CLIP1: variants seen among roughly 807,000 people sequenced by gnomAD.
The protein encoded by CLIP1 is CAP-Gly domain-containing linker protein 1.
CLIP1 carries 66 observed loss-of-function variants against 161.6 expected under a neutral mutation model. The ratio of observed to expected loss-of-function variants is 0.41; its 90% CI spans 0.33 to 0.50. The LOEUF is 0.50. Ranked by LOEUF, CLIP1 falls within the 20% of genes least tolerant of loss-of-function variation. The pLI is 0.27. For synonymous variants in CLIP1, 598 were observed against 626.2 expected (o/e 0.96, Z 0.67); for missense variants, 1,376 against 1,702.0 (o/e 0.81, Z 3.37).
In CLIP1 at chr12:122,355,081, C is replaced by T. The variant is rs372855839; in HGVS notation, c.1203+34G>A. Reference sequence around the variant, plus strand: ...TCGGCTCCTCAGTGGCTTTAGAAACCATCACCATCTCCGCAACAAGGTCCA... The same window carrying T: ...TCGGCTCCTCAGTGGCTTTAGAAACTATCACCATCTCCGCAACAAGGTCCA... On this transcript the variant is annotated intron_variant, in intron 6 of 25. Coordinates refer to ENST00000620786, the MANE Select transcript of CLIP1 (RefSeq NM_001247997.2). The surrounding 1 kb of genome is among the most constrained non-coding windows in gnomAD (Gnocchi z 4.1). 3 of 1,600,856 alleles carry T rather than the reference C, an allele frequency of 1.9e-6. No individual in the cohort carries two copies. In the African/African-American group the frequency reaches 4.0e-5, roughly 21 times the overall value.
chr12:122,385,861 G>C (rs1370782338), intron 1 of CLIP1, among the ~76,000 whole-genome samples: 1 of 152,188 alleles, frequency 6.6e-6, no homozygotes, highest in Non-Finnish European at 1.5e-5. Context: ...ATCTTCAGAG[G>C]CCATCCAAGT....
intron 19 of CLIP1, among the ~76,000 whole-genome samples, chr12:122,310,200 C>T (rs1951014412): frequency 6.6e-6 from 1 of 152,068 alleles, no homozygotes; most frequent in South Asian, 2.1e-4. Flanking sequence ...GTCAGTACAG[C>T]CCTCCTGTCT....
Position 122,295,468 on chromosome 12 carries a change from G to T in CLIP1, c.3595-6927C>A, listed in dbSNP as rs566511400. ...GTCTAATGTTTTCTACTGTGGTAAG[G>T]GAAAATAGTTTGAAATATTTCACCT... On this transcript the variant is annotated intron_variant, in intron 20 of 25. Coordinates refer to ENST00000620786, the MANE Select transcript of CLIP1 (RefSeq NM_001247997.2). 3.9e-5 allele frequency among the ~76,000 whole-genome samples: 6 copies of T among 152,276 alleles called. No individual in the cohort carries two copies. In the East Asian group the frequency reaches 1.2e-3, roughly 29 times the overall value.
chr12:122,361,230 A>C (rs1566173309), intron 4 of CLIP1, 49 bp from the exon 5 acceptor site: 5 of 1,450,524 alleles, frequency 3.4e-6, no homozygotes, highest in Non-Finnish European at 4.8e-6. Context: ...AATCACAAGA[A>C]ATAATAACTA....
At chr12:122,400,762 A>G (rs1433274394) in intron 1 of CLIP1, 2 of 152,216 alleles carry the variant, frequency 1.3e-5, no homozygotes, top group Non-Finnish European at 2.9e-5. Context: ...AGAGTTCAAA[A>G]AAGTTCTCAA....
In CLIP1 at chr12:122,291,685, T is replaced by C. The variant is rs1950257511; in HGVS notation, c.3595-3144A>G. Among the ~76,000 whole-genome samples the C allele has an allele frequency of 2.6e-5, 4 of 152,118 alleles. No homozygotes were observed. The South Asian group carries it at 8.3e-4, about 32-fold the overall frequency. Reference sequence around the variant, plus strand: ...AGATGATATCAGGAGGTACACACTGTTGATTTTTGGTGAGGTTAACTTCGG... The same window carrying C: ...AGATGATATCAGGAGGTACACACTGCTGATTTTTGGTGAGGTTAACTTCGG... On this transcript the variant is annotated intron_variant, in intron 20 of 25. Transcript: ENST00000620786.
intron 1 of CLIP1, among the ~76,000 whole-genome samples, chr12:122,416,153 C>T (rs1341497907): frequency 1.3e-5 from 2 of 151,994 alleles, no homozygotes; most frequent in Non-Finnish European, 2.9e-5. Context: ...CAGAGAATCG[C>T]TTGAACCCGG....
At chr12:122,357,913 C>T (rs1041356391) in intron 5 of CLIP1, among the ~76,000 whole-genome samples, 103 of 152,004 alleles carry the variant, frequency 6.8e-4, no homozygotes, top group Middle Eastern at 3.4e-3. Flanking sequence ...CCCCTCTGCC[C>T]GGCCACCACC....
chr12:122,364,187 G>C, intron 3 of CLIP1, 80 bp from the exon 4 acceptor site: 1 of 1,506,952 alleles, frequency 6.6e-7, no homozygotes, highest in South Asian at 1.2e-5. Context: ...TAGTAACTAG[G>C]TACTACATTC....
rs371655572 is a variant in CLIP1 at position 122,380,340 on chromosome 12, T to C, written c.85+28A>G. On this transcript the variant is annotated intron_variant, in intron 2 of 25. Coordinates refer to ENST00000620786, the MANE Select transcript of CLIP1 (RefSeq NM_001247997.2). ...AGCAAATTGAAGTCTCCATATAGGA[T>C]AAGGAAAGGAAAAGCGTAAAGTATT... is the stretch of plus-strand genomic sequence containing the variant. 7.9e-4 allele frequency: 1,171 copies of C among 1,486,530 alleles called. 2 individuals are homozygous for C. Among genetic ancestry groups the C allele is most frequent in the Non-Finnish European group, 8.7e-4 (931 of 1,071,994 alleles). The allele number at this position is 1,486,530 out of a possible 1,614,324, so 92.1% of individuals were successfully genotyped here.
At chr12:122,369,388 C>G (rs1387931008) in intron 3 of CLIP1, among the ~76,000 whole-genome samples, 1 of 151,934 alleles carries the variant, frequency 6.6e-6, no homozygotes, top group African/African-American at 2.4e-5. Context: ...CAGCAACTCT[C>G]CTACAGAGAA....
rs1461574357 is a variant in CLIP1 at position 122,355,662 on chromosome 12, G to A, written c.1006-350C>T. The A allele has an allele frequency of 4.5e-6, 1 of 222,740 alleles. No homozygotes were observed. The highest frequency in any genetic ancestry group is 8.9e-6 in the Non-Finnish European group (1 of 112,330). The allele number at this position is 222,740 out of a possible 1,614,324, so 13.8% of individuals were successfully genotyped here. A position where few individuals can be genotyped will look rare whatever the true frequency, so the allele number is the denominator to read the frequency against. On this transcript the variant is annotated intron_variant, in intron 5 of 25. Transcript: ENST00000620786. The surrounding 1 kb of genome is among the most constrained non-coding windows in gnomAD (Gnocchi z 4.1). ...TCTACTAAAAATACAAAAATTAGCT[G>A]GAGTGCAGTGGTGCGATCTCAGCTG...
At chr12:122,405,329 G>A (rs929545561) in intron 1 of CLIP1, among the ~76,000 whole-genome samples, 6 of 151,918 alleles carry the variant, frequency 3.9e-5, no homozygotes, top group Admixed American at 3.9e-4. Flanking sequence ...GTAACTCTAG[G>A]TTTTTTTTAG....
Position 122,274,100 on chromosome 12 carries a change from CT to C in CLIP1, c.4028del (p.Lys1343ArgfsTer4). 1 of 1,613,312 alleles carries C rather than the reference CT, an allele frequency of 6.2e-7. No individual in the cohort carries two copies. Among genetic ancestry groups the C allele is most frequent in the Non-Finnish European group, 8.5e-7 (1 of 1,179,350 alleles). On this transcript the variant is annotated frameshift_variant, in exon 25 of 26. Transcript: ENST00000620786. LOFTEE classifies it high-confidence loss of function. Reference protein sequence around the residue: ...LQRKNQDLKMKVEMMSEAALN... With the variant: ...LQRKNQDLKMXVEMMSEAALN... The stretch of plus-strand genomic sequence containing the variant: ...GGGCTGCTTCTGACATCATCTCCAC[CT>C]TCATCTTGAGGTCTTGATTCTTCCT...
intron 20 of CLIP1, among the ~76,000 whole-genome samples, chr12:122,293,795 T>G (rs1314002901): frequency 9.3e-6 from 1 of 107,846 alleles, no homozygotes; most frequent in South Asian, 3.1e-4. Flanking sequence ...TTGTTTTTTT[T>G]TTTGTTTTTT....
At chr12:122,406,502 T>C (rs1389406502) in intron 1 of CLIP1, among the ~76,000 whole-genome samples, 1 of 152,192 alleles carries the variant, frequency 6.6e-6, no homozygotes, top group East Asian at 1.9e-4. Flanking sequence ...GAGACAAACC[T>C]TACAGAGCAA....
chr12:122,354,122 C>T (rs1281784539), intron 7 of CLIP1, among the ~76,000 whole-genome samples: 4 of 151,850 alleles, frequency 2.6e-5, no homozygotes, highest in Middle Eastern at 3.4e-3. Flanking sequence ...CTGCTGGGCG[C>T]GGTGGCTCAC....
At chr12:122,412,712 G>A (rs185867416) in intron 1 of CLIP1, among the ~76,000 whole-genome samples, 1 of 152,190 alleles carries the variant, frequency 6.6e-6, no homozygotes, top group Admixed American at 6.6e-5. Flanking sequence ...ATTCCTCTGG[G>A]CAGTAGCATC....
At chr12:122,372,041 G>C (rs1954476340) in intron 3 of CLIP1, among the ~76,000 whole-genome samples, 2 of 152,092 alleles carry the variant, frequency 1.3e-5, no homozygotes, top group Admixed American at 1.3e-4. Context: ...CAGAACTTTG[G>C]GAGGCCAAGG....
Sources: allele counts gnomAD v4.1 joint callset (sites outside exome capture counted in the v4.1 genomes callset), GRCh38; gene constraint gnomAD v4.1.1; non-coding constraint Gnocchi (gnomAD v3.1); transcripts MANE v1.5; gene names NCBI Gene and HGNC (gene_info 2026-07-23, HGNC 2026-07-21).